DMXL2: variants seen among roughly 807,000 people sequenced by gnomAD.
The protein encoded by DMXL2 is dmX-like protein 2.
Under a neutral mutation model 331.1 loss-of-function variants are expected in DMXL2, and 103 were observed. That is an observed-to-expected ratio of 0.31 (90% CI 0.27 to 0.37). The LOEUF is 0.37. DMXL2 is among the 10% of genes least tolerant of loss of function. The probability of loss-of-function intolerance (pLI) is 1.00; values close to 1 mark genes in which losing one functional copy is unlikely to be tolerated. For synonymous variants in DMXL2, 1,281 were observed against 1,252.1 expected, an observed-to-expected ratio of 1.02 and a Z score of -0.49; for missense variants, 3,171 against 3,642.9, an observed-to-expected ratio of 0.87 and a Z score of 3.33.
In DMXL2 at chr15:51,450,168, C is replaced by T; in HGVS notation, c.8928G>A (p.Glu2976=). 1 of 1,613,786 alleles carries T rather than the reference C, an allele frequency of 6.2e-7. No individual in the cohort carries two copies. The highest frequency in any genetic ancestry group is 8.5e-7 in the Non-Finnish European group (1 of 1,179,958). ...CTGCTGAACCTGTGGTAAAATATTC[C>T]TCATAGGGATCCAAGGCCAGAGCCT... The part of the protein sequence containing the change: ...AIKALALDPY[E]EYFTTGSAEG... The change falls in exon 43 of 44, where the codon GAG becomes GAA. Residue 2976 remains glutamate, a synonymous_variant. Transcript: ENST00000560891.
intron 6 of DMXL2, among the ~76,000 whole-genome samples, chr15:51,550,909 A>G (rs866041919): frequency 6.6e-6 from 1 of 152,274 alleles, no homozygotes; most frequent in African/African-American, 2.4e-5. Flanking sequence ...TAAAAAATAG[A>G]TCTTACCAGC....
chr15:51,601,244 T>C (rs867852473), intron 1 of DMXL2, among the ~76,000 whole-genome samples: 4 of 140,538 alleles, frequency 2.8e-5, no homozygotes, highest in Non-Finnish European at 4.5e-5. Flanking sequence ...TGAGCCGAGA[T>C]TGCACCACTG....
intron 1 of DMXL2, among the ~76,000 whole-genome samples, chr15:51,612,631 T>C (rs1479877587): frequency 6.6e-6 from 1 of 152,184 alleles, no homozygotes; most frequent in Admixed American, 6.5e-5. Context: ...GATCATATGC[T>C]TCACAAGGTA....
intron 19 of DMXL2, among the ~76,000 whole-genome samples, chr15:51,493,631 C>A (rs533374757): frequency 6.6e-6 from 1 of 152,256 alleles, no homozygotes; most frequent in Non-Finnish European, 1.5e-5. Flanking sequence ...CCTACAACAC[C>A]AGTCACTTCT....
At chr15:51,557,570 T>A (rs1192589099) in intron 6 of DMXL2, among the ~76,000 whole-genome samples, 1 of 152,064 alleles carries the variant, frequency 6.6e-6, no homozygotes, top group Non-Finnish European at 1.5e-5. Context: ...CAAGAATAGA[T>A]AAGACGATCT....
intron 1 of DMXL2, among the ~76,000 whole-genome samples, chr15:51,601,538 G>T (rs1421071171): frequency 7.9e-5 from 12 of 152,074 alleles, no homozygotes; most frequent in Admixed American, 7.9e-4. Flanking sequence ...CAACCATCCT[G>T]TTACTCTACC....
intron 18 of DMXL2, among the ~76,000 whole-genome samples, chr15:51,497,112 G>T (rs1207069078): frequency 6.6e-6 from 1 of 152,174 alleles, no homozygotes; most frequent in African/African-American, 2.4e-5. Context: ...GCTTAAGGTT[G>T]TTCTGGGAAG....
chr15:51,511,807 T>C lies in DMXL2; in HGVS notation c.2644+2635A>G, dbSNP rs181365246. 5.5e-4 allele frequency among the ~76,000 whole-genome samples: 84 copies of C among 152,278 alleles called. No individual in the cohort carries two copies. In the East Asian group the frequency reaches 0.015, roughly 28 times the overall value. On this transcript the variant is annotated intron_variant, in intron 15 of 43. Coordinates refer to ENST00000560891, the MANE Select transcript of DMXL2 (RefSeq NM_001378457.1). ...AACCAACCCAAATGCCCATCAATGATAGACTGGATAAAGAAAATGTAGCAC... is the reference window on the plus strand; with the variant it reads ...AACCAACCCAAATGCCCATCAATGACAGACTGGATAAAGAAAATGTAGCAC...
intron 14 of DMXL2, among the ~76,000 whole-genome samples, chr15:51,515,182 C>T (rs1397916433): frequency 6.6e-6 from 1 of 152,114 alleles, no homozygotes; most frequent in African/African-American, 2.4e-5. Context: ...AACTGCTATG[C>T]TCCATGACCA....
intron 13 of DMXL2, among the ~76,000 whole-genome samples, chr15:51,525,464 A>G (rs1293271013): frequency 6.6e-6 from 1 of 152,166 alleles, no homozygotes; most frequent in African/African-American, 2.4e-5. Context: ...CAGCTTGGCC[A>G]CAAGGGAGTA....
At chr15:51,620,652 G>C (rs1224262426) in intron 1 of DMXL2, among the ~76,000 whole-genome samples, 1 of 152,156 alleles carries the variant, frequency 6.6e-6, no homozygotes, top group Non-Finnish European at 1.5e-5. Context: ...TGACAGTTTT[G>C]AAAGCTTTTA....
chr15:51,609,552 C>A (rs566516240), intron 1 of DMXL2, among the ~76,000 whole-genome samples: 1 of 152,294 alleles, frequency 6.6e-6, no homozygotes, highest in South Asian at 2.1e-4. Flanking sequence ...GTACATTATT[C>A]AGTACAGTAA....
chr15:51,474,100 A>G (rs913648989), intron 28 of DMXL2, among the ~76,000 whole-genome samples: 1 of 144,414 alleles, frequency 6.9e-6, no homozygotes, highest in Non-Finnish European at 1.5e-5. Context: ...CCTTTCCTCT[A>G]TTTTTAATCT....
chr15:51,574,845 G>T (rs907492196), intron 2 of DMXL2, among the ~76,000 whole-genome samples: 3 of 152,178 alleles, frequency 2.0e-5, no homozygotes, highest in Admixed American at 2.0e-4. Flanking sequence ...TCCAGAGAAT[G>T]TGTGTTCATT....
At chr15:51,510,798 CA>C (rs1311361835) in intron 15 of DMXL2, among the ~76,000 whole-genome samples, 1 of 152,144 alleles carries the variant, frequency 6.6e-6, no homozygotes, top group African/African-American at 2.4e-5. Context: ...AACTATACTA[CA>C]AGGCTACAGT....
At chr15:51,481,723 T>G in intron 23 of DMXL2, 100 bp from the exon 24 acceptor site, 1 of 1,148,504 alleles carries the variant, frequency 8.7e-7, no homozygotes, top group Non-Finnish European at 1.2e-6. Context: ...AAAAACAACA[T>G]GTAAATATTA....
chr15:51,532,956 C>T (rs2048089832), intron 13 of DMXL2, among the ~76,000 whole-genome samples: 1 of 152,146 alleles, frequency 6.6e-6, no homozygotes, highest in Non-Finnish European at 1.5e-5. Flanking sequence ...TATATGCATT[C>T]AGCAATGTTA....
intron 1 of DMXL2, among the ~76,000 whole-genome samples, chr15:51,619,857 G>C (rs2054520761): frequency 6.6e-6 from 1 of 152,018 alleles, no homozygotes; most frequent in African/African-American, 2.4e-5. Flanking sequence ...CTCCAGAGCA[G>C]GCACTCTGAT....
chr15:51,606,260 T>C (rs1422939777), intron 1 of DMXL2, among the ~76,000 whole-genome samples: 1 of 152,052 alleles, frequency 6.6e-6, no homozygotes, highest in Middle Eastern at 3.2e-3. Context: ...CAGGCTGGAG[T>C]GCAGTGGCGC....
Sources: gnomAD v4.1 joint callset for allele counts (sites outside exome capture counted in the v4.1 genomes callset) on GRCh38, gnomAD v4.1.1 for gene constraint, MANE v1.5 for transcripts, NCBI Gene and HGNC (gene_info 2026-07-23, HGNC 2026-07-21) for gene names.